Variants in MACF1 observed in about 807,000 individuals in gnomAD.
The protein encoded by MACF1 is microtubule actin crosslinking factor 1.
MACF1 carries 193 observed loss-of-function variants against 854.8 expected under a neutral mutation model. The observed-to-expected ratio is 0.23, with a 90% CI of 0.20 to 0.25. MACF1 has a LOEUF of 0.25. MACF1 is among the 10% of genes least tolerant of loss of function. The probability of loss-of-function intolerance (pLI) is 1.00; values close to 1 mark genes in which losing one functional copy is unlikely to be tolerated. For synonymous variants in MACF1, 3,185 were observed against 3,226.7 expected, an observed-to-expected ratio of 0.99 and a Z score of 0.44; for missense variants, 7,722 against 8,929.1, an observed-to-expected ratio of 0.86 and a Z score of 5.45.
intron 55 of MACF1, among the ~76,000 whole-genome samples, chr1:39,381,619 TGAG>T (rs1032120099): frequency 4.6e-5 from 7 of 152,010 alleles, no homozygotes; most frequent in Non-Finnish European, 1.5e-5. Flanking sequence ...TTTTCCCACT[TGAG>T]GAGTTCAAGA....
rs1647246846 is a variant in MACF1 at position 39,353,080 on chromosome 1, G to C, written c.11273G>C (p.Gly3758Ala). The change falls in exon 44 of 101, where the codon GGA becomes GCA. Residue 3758 changes from glycine (G) to alanine (A), a missense_variant. Coordinates refer to ENST00000564288, the MANE Select transcript of MACF1 (RefSeq NM_001394062.1). ...CTCCTGGATTGGGTAACTTCAGTAG[G>C]ATCATCTGGTGGACAGCTGCTGACC... ...DALLDWVTSV[G>A]SSGGQLLTNL... 6.2e-7 allele frequency: 1 copy of C among 1,614,020 alleles called. No individual in the cohort carries two copies. The highest frequency in any genetic ancestry group is 1.3e-5 in the African/African-American group (1 of 74,912).
intron 6 of MACF1, among the ~76,000 whole-genome samples, chr1:39,273,389 A>C (rs1339781717): frequency 1.3e-5 from 2 of 152,032 alleles, no homozygotes; most frequent in African/African-American, 2.4e-5. Flanking sequence ...AGAAATGATA[A>C]GAAAGAGGTT....
At chr1:39,269,336 A>G (rs745322272) in intron 6 of MACF1, 212 of 1,289,606 alleles carry the variant, frequency 1.6e-4, no homozygotes, top group Middle Eastern at 1.1e-3. Context: ...AAGGAAATCA[A>G]GAACAATTTT....
intron 23 of MACF1, chr1:39,304,517 C>T: frequency 2.2e-6 from 3 of 1,338,038 alleles, no homozygotes; most frequent in Non-Finnish European, 3.2e-6. Flanking sequence ...CATAATGCCT[C>T]CTTTGGTTAC....
At chr1:39,100,284 T>C (rs961618597) in intron 2 of MACF1, among the ~76,000 whole-genome samples, 2 of 151,838 alleles carry the variant, frequency 1.3e-5, no homozygotes, top group African/African-American at 4.8e-5. Flanking sequence ...ACTTTCAAGG[T>C]AGATTTCAGT....
In MACF1 at chr1:39,334,283, T is replaced by G. The variant is rs1405954941; in HGVS notation, c.7695T>G (p.Leu2565=). ...ISLPKAIKLD[L]ITSDLKREIQ... ...TCCCTAAAGCCATAAAATTAGATCT[T>G]ATTACCTCAGACCTGAAAAGAGAAA... The change falls in exon 37 of 101, where the codon CTT becomes CTG. Residue 2565 remains leucine, a synonymous_variant. Coordinates refer to ENST00000564288, the MANE Select transcript of MACF1 (RefSeq NM_001394062.1). 6.2e-7 allele frequency: 1 copy of G among 1,613,964 alleles called. No individual in the cohort carries two copies. The highest frequency in any genetic ancestry group is 8.5e-7 in the Non-Finnish European group (1 of 1,179,946).
chr1:39,341,613 G>A (rs751822137), intron 40 of MACF1, among the ~76,000 whole-genome samples: 6 of 151,720 alleles, frequency 4.0e-5, no homozygotes, highest in Middle Eastern at 3.4e-3. Flanking sequence ...CAGGAGAATC[G>A]CTTGAACCCA....
Position 39,285,318 on chromosome 1 carries a change from T to G in MACF1, c.1281T>G (p.Ile427Met), listed in dbSNP as rs1645621858. The change falls in exon 13 of 101, where the codon ATT (isoleucine) becomes ATG (methionine). Residue 427 changes from isoleucine to methionine, a missense_variant. Physicochemically the swap from Ile to Met is conservative, Grantham distance 10. Around this residue, in one of 15 missense-constraint regions of MACF1, gnomAD observed 1,137 missense variants for 1,263.0 expected, o/e 0.90. Coordinates refer to ENST00000564288, the MANE Select transcript of MACF1 (RefSeq NM_001394062.1). ...AVERLELLLQIANKIQNGALN... is the reference protein window; with the variant it reads ...AVERLELLLQMANKIQNGALN... Reference sequence around the variant, plus strand: ...TCAGGCTGGAATTGCTGCTACAGATTGCAAACAAAATCCAGAATGGTGCTT... The same window carrying G: ...TCAGGCTGGAATTGCTGCTACAGATGGCAAACAAAATCCAGAATGGTGCTT... The G allele has an allele frequency of 3.1e-6, 5 of 1,614,140 alleles. No individual in the cohort carries two copies. The East Asian group carries it at 8.9e-5, about 29-fold the overall frequency.
intron 2 of MACF1, among the ~76,000 whole-genome samples, chr1:39,161,392 G>A (rs1206154907): frequency 6.6e-6 from 1 of 152,134 alleles, no homozygotes; most frequent in East Asian, 1.9e-4. Flanking sequence ...AGGACTATGA[G>A]ATAACTGACT....
chr1:39,322,956 C>T lies in MACF1; in HGVS notation c.4184C>T (p.Thr1395Ile). The T allele has an allele frequency of 6.2e-7, 1 of 1,614,096 alleles. No homozygotes were observed. Among genetic ancestry groups the T allele is most frequent in the Non-Finnish European group, 8.5e-7 (1 of 1,179,970 alleles). The change falls in exon 33 of 101, where the codon ACT (threonine) becomes ATT (isoleucine). Residue 1395 changes from threonine (T) to isoleucine (I), a missense_variant. Transcript: ENST00000564288. ...TACACGGCATTGGTGACTTTAACAA[C>T]TCAGCACGTGAAATACATCAGTGAT... is the stretch of plus-strand genomic sequence containing the variant. ...TRYTALVTLT[T>I]QHVKYISDAL...
Position 39,484,666 on chromosome 1 carries a change from C to G in MACF1, c.22347C>G (p.Ser7449=), listed in dbSNP as rs372771982. 2 of 1,613,422 alleles carry G rather than the reference C, an allele frequency of 1.2e-6. No individual in the cohort carries two copies. Among genetic ancestry groups the G allele is most frequent in the Middle Eastern group, 1.6e-4 (1 of 6,062 alleles). The change falls in exon 100 of 101, where the codon TCC becomes TCG. Residue 7449 remains serine (S), a synonymous_variant. Transcript: ENST00000564288. ...CAACTTTTCATTCTAGTCGGACATC[C>G]CTTGCTGGTGATACCAGCAATAGTT... ...PTPTFHSSRT[S]LAGDTSNSSS...
intron 6 of MACF1, among the ~76,000 whole-genome samples, chr1:39,277,207 A>C (rs1645454909): frequency 6.6e-6 from 1 of 152,088 alleles, no homozygotes; most frequent in African/African-American, 2.4e-5. Flanking sequence ...TTGTGGTTTG[A>C]AATGAAATAC....
At chr1:39,231,362 A>G (rs916317709) in intron 2 of MACF1, 119 bp downstream of exon 2, 9 of 879,918 alleles carry the variant, frequency 1.0e-5, no homozygotes, top group Non-Finnish European at 1.6e-5. Context: ...ATGAAGATAC[A>G]CATGTGACTT....
At position 39,254,600 on chromosome 1, in the gene MACF1, A is replaced by G; in HGVS notation, c.435+225A>G. ...CTTGAGAGGAAGAATGTTCACGGAG[A>G]AGAACATGATGATAAAGATGGAATT... On this transcript the variant is annotated intron_variant, in intron 5 of 100. Transcript: ENST00000564288. The G allele has an allele frequency of 6.3e-6, 3 of 474,598 alleles. No individual in the cohort carries two copies. In the South Asian group the frequency reaches 1.1e-4, roughly 18 times the overall value. The allele number at this position is 474,598 out of a possible 1,614,324, so 29.4% of individuals were successfully genotyped here.
At chr1:39,413,798 C>T (rs904302895) in intron 58 of MACF1, 15 of 1,610,662 alleles carry the variant, frequency 9.3e-6, no homozygotes, top group Non-Finnish European at 1.3e-5. Flanking sequence ...GCAGTGCCCA[C>T]CCCAGCAGAA....
chr1:39,368,068 C>A, intron 49 of MACF1, 80 bp from the exon 50 acceptor site: 1 of 1,149,090 alleles, frequency 8.7e-7, no homozygotes. Flanking sequence ...ACCTGGCAAG[C>A]ATACCTCTTT....
intron 63 of MACF1, 58 bp downstream of exon 63, chr1:39,428,345 C>T (rs1429152107): frequency 3.5e-6 from 5 of 1,428,376 alleles, no homozygotes; most frequent in Non-Finnish European, 4.7e-6. Context: ...TATTTTGATT[C>T]ATGTTTCTCT....
rs149306191 is a variant in MACF1, at chr1:39,360,671, T to TATA, written c.12245-101_12245-99dup. ...GGGCAACATATTAAGACCACATCCA[T>TATA]ATAATAATAATAATAATAATAATTT... On this transcript the variant is annotated intron_variant, in intron 47 of 100. Transcript: ENST00000564288. 0.15 allele frequency: 38,686 copies of TATA among 263,058 alleles called. 3,288 individuals carry two copies. Among genetic ancestry groups the TATA allele is most frequent in the Admixed American group, 0.18 (3,088 of 17,184 alleles). 16.3% of individuals were successfully genotyped at this position (263,058 alleles called of 1,614,324 possible).
chr1:39,344,431 CAAA>C (rs113140732), intron 40 of MACF1, among the ~76,000 whole-genome samples: 4 of 77,974 alleles, frequency 5.1e-5, no homozygotes, highest in South Asian at 7.7e-4. Flanking sequence ...GACTCTGTCT[CAAA>C]AAAAAAAAAA....
Sources: allele counts gnomAD v4.1 joint callset (sites outside exome capture counted in the v4.1 genomes callset), GRCh38; gene constraint gnomAD v4.1.1; regional missense constraint gnomAD v4.1.1; transcripts MANE v1.5; gene names NCBI Gene and HGNC (gene_info 2026-07-23, HGNC 2026-07-21).